Variants in RBFOX1 observed in about 807,000 individuals in gnomAD.
RBFOX1 encodes the protein RNA binding fox-1 homolog 1, also known as RNA binding protein fox-1 homolog 1.
Under a neutral mutation model 57.7 loss-of-function variants are expected in RBFOX1, and 8 were observed. That is an observed-to-expected ratio of 0.14 (90% CI 0.08 to 0.25). The LOEUF is 0.25. Ranked by LOEUF, RBFOX1 falls within the 10% of genes least tolerant of loss-of-function variation. The pLI is 1.00. For missense variants in RBFOX1, 611 were observed against 548.5 expected (o/e 1.11, Z -1.14); for synonymous variants, 326 against 222.4 (o/e 1.47, Z -4.15).
chr16:5,792,947 A>T (rs910388786), intron 3 of RBFOX1, among the ~76,000 whole-genome samples: 7 of 152,214 alleles, frequency 4.6e-5, no homozygotes, highest in Admixed American at 1.3e-4. Context: ...GGGTAGGCTG[A>T]GTAGGAGGAG....
At chr16:5,414,124 C>G (rs967739523) in intron 1 of RBFOX1, among the ~76,000 whole-genome samples, 1 of 152,114 alleles carries the variant, frequency 6.6e-6, no homozygotes, top group Non-Finnish European at 1.5e-5. Flanking sequence ...AGTGCACTCC[C>G]GACCTGAACA....
At chr16:5,962,694 A>G (rs1009710906) in intron 4 of RBFOX1, among the ~76,000 whole-genome samples, 6 of 152,164 alleles carry the variant, frequency 3.9e-5, no homozygotes, top group Non-Finnish European at 8.8e-5. Flanking sequence ...TATTATTATC[A>G]TTAAGAGTAA....
chr16:6,632,394 G>A (rs1030381086), intron 2 of RBFOX1, among the ~76,000 whole-genome samples: 2 of 152,082 alleles, frequency 1.3e-5, no homozygotes, highest in African/African-American at 4.8e-5. Context: ...TAAACAGTAT[G>A]GAGACCAGTT....
At chr16:6,603,306 T>G (rs1354984339) in intron 2 of RBFOX1, among the ~76,000 whole-genome samples, 3 of 152,316 alleles carry the variant, frequency 2.0e-5, no homozygotes, top group Non-Finnish European at 2.9e-5. Flanking sequence ...TCTGATTTTT[T>G]CAAGAGAACC....
At chr16:6,792,954 G>C (rs866799736) in intron 3 of RBFOX1, among the ~76,000 whole-genome samples, 3 of 151,586 alleles carry the variant, frequency 2.0e-5, no homozygotes, top group Middle Eastern at 3.2e-3. Context: ...GCTTGAACCC[G>C]TGAGGCAGAG....
intron 2 of RBFOX1, among the ~76,000 whole-genome samples, chr16:5,523,768 A>C (rs1037682090): frequency 6.6e-6 from 1 of 152,210 alleles, no homozygotes; most frequent in African/African-American, 2.4e-5. Context: ...ACTCTTTTTC[A>C]TAACATTTCC....
chr16:5,804,291 A>G (rs1159596100), intron 3 of RBFOX1, among the ~76,000 whole-genome samples: 5 of 152,236 alleles, frequency 3.3e-5, no homozygotes, highest in Non-Finnish European at 7.3e-5. Context: ...ATACATTCAT[A>G]TGTGAATGAA....
At chr16:7,318,927 C>G (rs1236982257) in intron 4 of RBFOX1, among the ~76,000 whole-genome samples, 2 of 152,118 alleles carry the variant, frequency 1.3e-5, no homozygotes, top group South Asian at 2.1e-4. Flanking sequence ...GAGCACACCA[C>G]TAGCCAGAAT....
At chr16:7,575,825 G>T (rs531353640) in intron 5 of RBFOX1, among the ~76,000 whole-genome samples, 105 of 152,326 alleles carry the variant, frequency 6.9e-4, no homozygotes, top group African/African-American at 2.4e-3. Context: ...GGAGGGCTTT[G>T]TGATGATCTC....
At chr16:6,635,004 ATACT>A (rs908883013) in intron 2 of RBFOX1, among the ~76,000 whole-genome samples, 2 of 142,820 alleles carry the variant, frequency 1.4e-5, no homozygotes, top group African/African-American at 2.5e-5. Flanking sequence ...ATGTAATATA[ATACT>A]TTATTATGTT....
At chr16:5,951,794 TAAAA>T (rs1239124742) in intron 4 of RBFOX1, among the ~76,000 whole-genome samples, 4 of 151,602 alleles carry the variant, frequency 2.6e-5, no homozygotes, top group Middle Eastern at 3.4e-3. Context: ...TGTTAAAAGT[TAAAA>T]GTTAAAGTTG....
intron 3 of RBFOX1, among the ~76,000 whole-genome samples, chr16:6,669,608 C>G (rs1022106799): frequency 3.3e-5 from 5 of 152,034 alleles, no homozygotes; most frequent in African/African-American, 1.2e-4. Context: ...ACACATCTAT[C>G]ACCTCATATA....
chr16:7,193,578 A>G (rs578053444), intron 4 of RBFOX1, among the ~76,000 whole-genome samples: 6 of 152,318 alleles, frequency 3.9e-5, no homozygotes, highest in South Asian at 2.1e-4. Flanking sequence ...AGCATTTTAC[A>G]TGCATTACCG....
intron 10 of RBFOX1, among the ~76,000 whole-genome samples, chr16:7,629,817 A>G (rs970227553): frequency 2.0e-5 from 3 of 152,208 alleles, no homozygotes; most frequent in Non-Finnish European, 2.9e-5. Context: ...CATTGCTGCA[A>G]TGCAGCCGCA....
At chr16:5,877,737 C>A (rs1460070007) in intron 4 of RBFOX1, among the ~76,000 whole-genome samples, 1 of 152,234 alleles carries the variant, frequency 6.6e-6, no homozygotes, top group South Asian at 2.1e-4. Flanking sequence ...CATATTTAGA[C>A]CCACTTTTAA....
chr16:7,543,668 T>TGC, intron 5 of RBFOX1, among the ~76,000 whole-genome samples: 1 of 966 alleles, frequency 1.0e-3, no homozygotes, highest in East Asian at 5.0e-3. Flanking sequence ...GGGCAGTATC[T>TGC]GTGTGTGTGT....
chr16:7,683,520 G>A (rs1451395688), intron 14 of RBFOX1, among the ~76,000 whole-genome samples: 1 of 152,100 alleles, frequency 6.6e-6, no homozygotes, highest in East Asian at 1.9e-4. Flanking sequence ...CCACCAAGGA[G>A]TTGGGGAGAG....
chr16:6,005,423 A>G (rs1309935565), intron 4 of RBFOX1, among the ~76,000 whole-genome samples: 1 of 152,222 alleles, frequency 6.6e-6, no homozygotes, highest in Non-Finnish European at 1.5e-5. Context: ...GAGAAATGCA[A>G]CAGTGTCCCT....
At chr16:6,281,051 G>T (rs899859717) in intron 1 of RBFOX1, among the ~76,000 whole-genome samples, 3 of 149,516 alleles carry the variant, frequency 2.0e-5, no homozygotes, top group Admixed American at 1.3e-4. Flanking sequence ...CAACATGCAG[G>T]TCTGCTTTGG....
Sources: allele counts gnomAD v4.1 joint callset (sites outside exome capture counted in the v4.1 genomes callset), GRCh38; gene constraint gnomAD v4.1.1; transcripts MANE v1.5; gene names NCBI Gene and HGNC (gene_info 2026-07-23, HGNC 2026-07-21).